Variants in UNC45A observed in about 807,000 individuals in gnomAD.
The protein encoded by UNC45A is unc-45 myosin chaperone A, also known as protein unc-45 homolog A.
In UNC45A, 78 loss-of-function variants were observed where a neutral mutation model predicts 103.2. That is an observed-to-expected ratio of 0.76 (90% CI 0.63 to 0.91). The LOEUF (loss-of-function observed/expected upper bound fraction) is 0.91, where lower values mean the gene tolerates loss of function less well. Among genes scored for constraint, UNC45A ranks in the 40% least tolerant of loss-of-function variants. The pLI, the probability that UNC45A is intolerant of heterozygous loss-of-function variation, is 0.00. For missense variants in UNC45A, 1,193 were observed against 1,224.8 expected (o/e 0.97, Z 0.39); for synonymous variants, 495 against 504.6 (o/e 0.98, Z 0.25).
chr15:90,935,644 A>C lies in UNC45A; in HGVS notation c.152A>C (p.Asp51Ala), dbSNP rs1048281339. ...GCCTACACTCAGGCCCTGGGTCTGG[A>C]CGCGACGCCCCAGGACCAGGCCGTT... ...LAAYTQALGL[D>A]ATPQDQAVLH... is the part of the protein sequence containing the mutation. The change falls in exon 2 of 20, where the codon GAC (aspartate) becomes GCC (alanine). Residue 51 changes from aspartate (D) to alanine (A), a missense_variant. Coordinates refer to ENST00000418476, the MANE Select transcript of UNC45A (RefSeq NM_018671.5). 5 of 1,611,306 alleles carry C rather than the reference A, an allele frequency of 3.1e-6. No homozygotes were observed. The Admixed American group carries it at 8.4e-5, about 27-fold the overall frequency.
intron 8 of UNC45A, 118 bp from the exon 9 acceptor site, chr15:90,944,774 T>C: frequency 8.0e-7 from 1 of 1,250,408 alleles, no homozygotes; most frequent in African/African-American, 1.5e-5. Context: ...TGGACACAGT[T>C]GTCAGAACTC....
chr15:90,949,491 A>G, intron 14 of UNC45A, 48 bp downstream of exon 14: 1 of 1,607,930 alleles, frequency 6.2e-7, no homozygotes, highest in East Asian at 2.2e-5. Context: ...CCTGAGCCTC[A>G]GGGCTGCAGA....
rs751225987 is a variant in UNC45A, at chr15:90,939,817, G to C, written c.513G>C (p.Lys171Asn). Residue 171 changes from lysine (K) to asparagine (N), a missense_variant, in exon 5 of 20, where the codon AAG (lysine) becomes AAC (asparagine). Coordinates refer to ENST00000418476, the MANE Select transcript of UNC45A (RefSeq NM_018671.5). ...CAGAAGAGAAGGGCACTGAGAAAAA[G>C]CAAAAGGTATAGGCCCTGGGCTGAG... ...LDPEEKGTEK[K>N]QKASQNLVVL... 12 of 1,614,066 alleles carry C rather than the reference G, an allele frequency of 7.4e-6. No individual in the cohort carries two copies. The South Asian group carries it at 1.3e-4, about 18-fold the overall frequency.
intron 4 of UNC45A, among the ~76,000 whole-genome samples, chr15:90,936,992 T>C (rs1471924492): frequency 6.6e-6 from 1 of 152,206 alleles, no homozygotes; most frequent in African/African-American, 2.4e-5. Context: ...ATATAGTTAC[T>C]GAGAATAGGT....
upstream of UNC45A, chr15:90,934,723 G>A: frequency 5.0e-6 from 2 of 398,728 alleles, no homozygotes; most frequent in Non-Finnish European, 8.8e-6. Context: ...AGTTCAGGGG[G>A]CTGTGCAAGC....
intron 4 of UNC45A, 122 bp from the exon 5 acceptor site, chr15:90,939,609 G>T: frequency 1.0e-6 from 1 of 988,454 alleles, no homozygotes; most frequent in Non-Finnish European, 1.5e-6. Context: ...CTAGGTGCTA[G>T]CCCTGAGCCT....
At chr15:90,930,363 T>A (rs913030613), upstream of UNC45A, 1 of 152,152 alleles carries the variant, frequency 6.6e-6, no homozygotes, top group Admixed American at 6.6e-5. Context: ...TTCCGATACG[T>A]CTTTTCTTTT....
intron 1 of UNC45A, 31 bp from the exon 2 acceptor site, chr15:90,935,511 CCT>C (rs1352230249): frequency 3.1e-5 from 49 of 1,578,268 alleles, no homozygotes; most frequent in Non-Finnish European, 4.1e-5. Context: ...CCCCGAACCC[CCT>C]CCGACGTTTC....
intron 10 of UNC45A, 25 bp downstream of exon 10, chr15:90,946,939 T>TGGGGGGGGG: frequency 1.2e-6 from 1 of 839,534 alleles, no homozygotes; most frequent in East Asian, 3.4e-5. Flanking sequence ...CTGGGGTGGG[T>TGGGGGGGGG]GGGCAGGCAG....
chr15:90,935,651 G>T lies in UNC45A; in HGVS notation c.159G>T (p.Thr53=). 6.2e-7 allele frequency: 1 copy of T among 1,607,822 alleles called. No individual in the cohort carries two copies. The highest frequency in any genetic ancestry group is 8.5e-7 in the Non-Finnish European group (1 of 1,177,488). The change falls in exon 2 of 20, where the codon ACG becomes ACT. Residue 53 remains threonine (T), a synonymous_variant. Coordinates refer to ENST00000418476, the MANE Select transcript of UNC45A (RefSeq NM_018671.5). Reference sequence around the variant, plus strand: ...CTCAGGCCCTGGGTCTGGACGCGACGCCCCAGGACCAGGCCGTTCTGCACC... The same window carrying T: ...CTCAGGCCCTGGGTCTGGACGCGACTCCCCAGGACCAGGCCGTTCTGCACC... ...AYTQALGLDA[T]PQDQAVLHRN... is the part of the protein sequence containing the mutation.
rs2036779862 is a variant in UNC45A at position 90,949,636 on chromosome 15, A to G, written c.2007-18A>G. On this transcript the variant is annotated intron_variant, in intron 14 of 19. Transcript: ENST00000418476. ...AGAGTCCCAGAGCTGCCTGCCCACC[A>G]CCGCCTTCTCCCCACAGGGTCTTCT... 1.2e-6 allele frequency: 2 copies of G among 1,613,400 alleles called. No homozygotes were observed. The highest frequency in any genetic ancestry group is 1.7e-6 in the Non-Finnish European group (2 of 1,179,894).
chr15:90,952,790 G>A (rs895052334), intron 17 of UNC45A, 139 bp from the exon 18 acceptor site: 2 of 705,870 alleles, frequency 2.8e-6, no homozygotes, highest in Admixed American at 4.7e-5. Context: ...ATAGCACCAA[G>A]CCATGAGGGA....
At chr15:90,932,574 G>A (rs990798393), upstream of UNC45A, 6 of 1,201,744 alleles carry the variant, frequency 5.0e-6, no homozygotes, top group Non-Finnish European at 5.2e-6. Flanking sequence ...CGGCCGCAGG[G>A]GCAGGGACGG....
chr15:90,947,948 G>A, intron 11 of UNC45A, 58 bp downstream of exon 11: 1 of 1,524,440 alleles, frequency 6.6e-7, no homozygotes. Flanking sequence ...CAAGACACAG[G>A]GGTCTGGGTG....
At position 90,935,702 on chromosome 15, in the gene UNC45A, G is replaced by A. The variant is rs778336463; in HGVS notation, c.210G>A (p.Lys70=). 5.8e-6 allele frequency: 9 copies of A among 1,556,974 alleles called. No homozygotes were observed. Among genetic ancestry groups the A allele is most frequent in the Non-Finnish European group, 6.1e-6 (7 of 1,153,100 alleles). ...GGAACCGGGCCGCCTGCCACCTCAA[G>A]CTGGTGAGGGAGCCTGGCGCTCTTC... The part of the protein sequence containing the change: ...LHRNRAACHL[K]LEDYDKAETE... The change falls in exon 2 of 20, where the codon AAG becomes AAA. Residue 70 remains lysine (K), a synonymous_variant. Transcript: ENST00000418476.
intron 14 of UNC45A, 62 bp downstream of exon 14, chr15:90,949,505 G>A: frequency 6.2e-7 from 1 of 1,604,286 alleles, no homozygotes; most frequent in Non-Finnish European, 8.5e-7. Context: ...CTGCAGATGT[G>A]GCTCCAGAGG....
intron 12 of UNC45A, 133 bp from the exon 13 acceptor site, chr15:90,948,521 G>C: frequency 2.8e-6 from 4 of 1,430,456 alleles, no homozygotes; most frequent in Non-Finnish European, 3.7e-6. Context: ...CTGGGGCCTG[G>C]GAGTTTCCCG....
At chr15:90,931,370 A>G, upstream of UNC45A, 1 of 1,557,110 alleles carries the variant, frequency 6.4e-7, no homozygotes, top group East Asian at 2.4e-5. Flanking sequence ...TGCGCTGCCC[A>G]CTCGAAGTAT....
Position 90,948,739 on chromosome 15 carries a change from A to C in UNC45A, c.1823A>C (p.Lys608Thr), listed in dbSNP as rs771112612. 1 of 1,613,712 alleles carries C rather than the reference A, an allele frequency of 6.2e-7. No individual in the cohort carries two copies. The highest frequency in any genetic ancestry group is 1.7e-5 in the Admixed American group (1 of 59,958). Reference protein sequence around the residue: ...NSYDYEEPDPKMVELAKYAKQ... With the variant: ...NSYDYEEPDPTMVELAKYAKQ... ...TATGACTACGAGGAGCCCGACCCCA[A>C]GATGGTGGAGCTGGCCAAGTATGCC... Residue 608 changes from lysine (K) to threonine (T), a missense_variant, in exon 13 of 20, where the codon AAG becomes ACG. Transcript: ENST00000418476.
Sources: allele counts gnomAD v4.1 joint callset (sites outside exome capture counted in the v4.1 genomes callset), GRCh38; gene constraint gnomAD v4.1.1; transcripts MANE v1.5; gene names NCBI Gene and HGNC (gene_info 2026-07-23, HGNC 2026-07-21).